SNX9: variants seen among roughly 807,000 people sequenced by gnomAD.
The protein encoded by SNX9 is sorting nexin-9.
Under a neutral mutation model 89.4 loss-of-function variants are expected in SNX9, and 44 were observed. That is an observed-to-expected ratio of 0.49 (90% CI 0.39 to 0.63). The LOEUF (loss-of-function observed/expected upper bound fraction) is 0.63. SNX9 is among the 30% of genes least tolerant of loss of function. The probability of loss-of-function intolerance (pLI) is 0.00; values close to 1 mark genes in which losing one functional copy is unlikely to be tolerated. For missense variants in SNX9, 578 were observed against 736.1 expected (o/e 0.79, Z 2.49); for synonymous variants, 236 against 247.8 (o/e 0.95, Z 0.45).
At position 157,940,863 on chromosome 6, in the gene SNX9, T is replaced by C. The variant is rs145641917; in HGVS notation, c.1649-20T>C. ...GAAAACTTGAGGGAAAACTGATTGA[T>C]GTTCTGATTTGGGTTGTAGCTGAGA... On this transcript the variant is annotated intron_variant, in intron 16 of 17. Transcript: ENST00000392185. The C allele has an allele frequency of 0.011, 17,605 of 1,607,882 alleles. 211 individuals are homozygous for C. The highest frequency in any genetic ancestry group is 0.011 in the Admixed American group (683 of 59,932).
intron 1 of SNX9, among the ~76,000 whole-genome samples, chr6:157,837,467 T>C (rs1384693535): frequency 6.6e-6 from 1 of 152,244 alleles, no homozygotes; most frequent in Admixed American, 6.5e-5. Flanking sequence ...AAATTACTTA[T>C]AAGTCAGATA....
At chr6:157,824,668 G>A in intron 1 of SNX9, among the ~76,000 whole-genome samples, 1 of 152,156 alleles carries the variant, frequency 6.6e-6, no homozygotes, top group East Asian at 1.9e-4. Context: ...CCATCTAGGT[G>A]CAGCGTTTGT....
chr6:157,825,958 A>C (rs1781335640), intron 1 of SNX9, among the ~76,000 whole-genome samples: 1 of 151,954 alleles, frequency 6.6e-6, no homozygotes, highest in Non-Finnish European at 1.5e-5. Flanking sequence ...TGTTGCTATA[A>C]GTATTAACTG....
chr6:157,886,040 C>T (rs1376035978), intron 4 of SNX9, among the ~76,000 whole-genome samples: 2 of 152,194 alleles, frequency 1.3e-5, no homozygotes, highest in Admixed American at 1.3e-4. Context: ...TGGAGACAGA[C>T]AGACGTCGTG....
At position 157,906,000 on chromosome 6, in the gene SNX9, A is replaced by G. The variant is rs926430781; in HGVS notation, c.621-128A>G. The G allele has an allele frequency of 7.5e-6, 5 of 666,166 alleles. No homozygotes were observed. The African/African-American group carries it at 9.5e-5, about 13-fold the overall frequency. 41.3% of individuals were successfully genotyped at this position (666,166 alleles called of 1,614,324 possible). On this transcript the variant is annotated intron_variant, in intron 6 of 17. Transcript: ENST00000392185. ...CTGATTACATTAGGTTTCATTTACCACAGTTTCCAGTTCTAGTGCACCCGA... is the reference window on the plus strand; with the variant it reads ...CTGATTACATTAGGTTTCATTTACCGCAGTTTCCAGTTCTAGTGCACCCGA...
intron 16 of SNX9, among the ~76,000 whole-genome samples, chr6:157,939,629 C>T (rs767819999): frequency 3.9e-4 from 60 of 152,094 alleles, no homozygotes; most frequent in Non-Finnish European, 7.9e-4. Flanking sequence ...AAGACTGGGG[C>T]ATTCATGGGA....
chr6:157,910,021 C>G lies in SNX9; in HGVS notation c.945C>G (p.Val315=). The change falls in exon 9 of 18, where the codon GTC becomes GTG. Residue 315 remains valine, a synonymous_variant. Coordinates refer to ENST00000392185, the MANE Select transcript of SNX9 (RefSeq NM_016224.5). ...IPIPSLPDKQ[V]TGRFEEEFIK... ...TCCCTTCTCTTCCAGACAAACAAGT[C>G]ACAGGTGAGTGTGTGTAATGCTAAA... is the stretch of plus-strand genomic sequence containing the variant. The G allele has an allele frequency of 5.6e-6, 9 of 1,610,946 alleles. No individual in the cohort carries two copies. Among genetic ancestry groups the G allele is most frequent in the Non-Finnish European group, 7.6e-6 (9 of 1,177,162 alleles).
chr6:157,915,640 A>AAAAAATATATATATATATATATATATAT (rs1472422303), intron 9 of SNX9, among the ~76,000 whole-genome samples: 1 of 95,152 alleles, frequency 1.1e-5, no homozygotes, highest in Non-Finnish European at 2.1e-5. Flanking sequence ...AAAAAAAAAA[A>AAAAAATATATATATATATATATATATAT]ATATATATAT....
In SNX9 at chr6:157,844,587, G is replaced by GTTTTTT. The variant is rs1177648226; in HGVS notation, c.12+21148_12+21153dup. On this transcript the variant is annotated intron_variant, in intron 1 of 17. Transcript: ENST00000392185. ...ATTTTTAATCTTGTGGCTAATCCTT[G>GTTTTTT]TTTTTTTTTTTTGTTTTTTTTTTTG... 4.8e-3 allele frequency among the ~76,000 whole-genome samples: 620 copies of GTTTTTT among 130,200 alleles called. 17 individuals carry two copies. The highest frequency in any genetic ancestry group is 7.9e-3 in the Middle Eastern group (2 of 254). The allele number at this position is 130,200 out of a possible 152,430, so 85.4% of individuals were successfully genotyped here. A position where few individuals can be genotyped will look rare whatever the true frequency, so the allele number is the denominator to read the frequency against.
At chr6:157,879,680 G>C (rs1440729466) in intron 4 of SNX9, among the ~76,000 whole-genome samples, 2 of 152,212 alleles carry the variant, frequency 1.3e-5, no homozygotes, top group East Asian at 3.8e-4. Context: ...GAATGGACCA[G>C]CTGATGGGAA....
chr6:157,869,759 A>C (rs1583208718), intron 2 of SNX9, among the ~76,000 whole-genome samples: 1 of 151,518 alleles, frequency 6.6e-6, no homozygotes, highest in African/African-American at 2.4e-5. Flanking sequence ...GCCCCATCAG[A>C]CCTCGCCAGC....
intron 9 of SNX9, among the ~76,000 whole-genome samples, chr6:157,917,722 CCTAATACAATGTAAATG>C (rs1783501870): frequency 6.6e-6 from 1 of 152,022 alleles, no homozygotes; most frequent in Non-Finnish European, 1.5e-5. Flanking sequence ...AATTATAATA[CCTAATACAATGTAAATG>C]CTATGTAAAT....
At chr6:157,837,694 G>T (rs1781612994) in intron 1 of SNX9, among the ~76,000 whole-genome samples, 1 of 152,214 alleles carries the variant, frequency 6.6e-6, no homozygotes, top group Non-Finnish European at 1.5e-5. Flanking sequence ...ATCCACCCAT[G>T]TATTATTATA....
intron 9 of SNX9, among the ~76,000 whole-genome samples, chr6:157,917,673 A>G (rs1783501039): frequency 6.6e-6 from 1 of 152,176 alleles, no homozygotes; most frequent in Non-Finnish European, 1.5e-5. Flanking sequence ...CATATAACCT[A>G]TGCACATTCT....
At chr6:157,906,396 G>A (rs1216561398) in intron 7 of SNX9, among the ~76,000 whole-genome samples, 184 bp downstream of exon 7, 3 of 152,132 alleles carry the variant, frequency 2.0e-5, no homozygotes, top group African/African-American at 7.2e-5. Flanking sequence ...ATTAATGCCT[G>A]TCATTATATT....
intron 1 of SNX9, among the ~76,000 whole-genome samples, chr6:157,836,377 A>G (rs1484064167): frequency 1.3e-5 from 2 of 152,174 alleles, no homozygotes; most frequent in Non-Finnish European, 2.9e-5. Context: ...ACTCTCTTCT[A>G]TACAGAAAGA....
intron 1 of SNX9, among the ~76,000 whole-genome samples, chr6:157,840,421 T>C (rs1407922529): frequency 8.3e-6 from 1 of 120,560 alleles, no homozygotes; most frequent in Non-Finnish European, 1.6e-5. Context: ...CTTTCTTTCT[T>C]TTCTTTCTTT....
chr6:157,943,024 G>A lies in SNX9; in HGVS notation c.*186G>A, dbSNP rs1784074681. On this transcript the variant is annotated 3_prime_UTR_variant, in exon 18 of 18. Coordinates refer to ENST00000392185, the MANE Select transcript of SNX9 (RefSeq NM_016224.5). Reference sequence around the variant, plus strand: ...GTCAGTTATTTAGGGATGGTCTTTTGTTCATTTCCGCATCCATTATTTAAA... The same window carrying A: ...GTCAGTTATTTAGGGATGGTCTTTTATTCATTTCCGCATCCATTATTTAAA... The A allele has an allele frequency of 1.9e-6, 1 of 516,784 alleles. No homozygotes were observed. Among genetic ancestry groups the A allele is most frequent in the African/African-American group, 2.0e-5 (1 of 51,042 alleles). 32.0% of individuals were successfully genotyped at this position (516,784 alleles called of 1,614,324 possible).
chr6:157,838,159 T>C (rs1781621314), intron 1 of SNX9, among the ~76,000 whole-genome samples: 1 of 151,994 alleles, frequency 6.6e-6, no homozygotes. Context: ...ACTACAGGCA[T>C]GCATCACCAT....
Sources: allele counts gnomAD v4.1 joint callset (sites outside exome capture counted in the v4.1 genomes callset), GRCh38; gene constraint gnomAD v4.1.1; transcripts MANE v1.5; gene names NCBI Gene and HGNC (gene_info 2026-07-23, HGNC 2026-07-21).